Variants in ZNF385D observed in about 807,000 individuals in gnomAD.
ZNF385D encodes the protein zinc finger protein 385D, also known as zinc finger protein 659.
ZNF385D carries 15 observed loss-of-function variants against 35.8 expected under a neutral mutation model. The observed-to-expected ratio is 0.42, with a 90% confidence interval of 0.28 to 0.64. The LOEUF (loss-of-function observed/expected upper bound fraction) is 0.64. ZNF385D is among the 30% of genes least tolerant of loss of function. The pLI is 0.23. For missense variants in ZNF385D, 474 were observed against 494.6 expected, an observed-to-expected ratio of 0.96 and a Z score of 0.39; for synonymous variants, 212 against 186.8, an observed-to-expected ratio of 1.13 and a Z score of -1.10.
chr3:22,115,263 T>C (rs988803766), intron 3 of ZNF385D, among the ~76,000 whole-genome samples: 20 of 152,070 alleles, frequency 1.3e-4, no homozygotes, highest in African/African-American at 4.8e-4. Flanking sequence ...TGTTAGACAT[T>C]ACATAGAGAA....
chr3:22,145,034 G>A (rs1358628179), intron 3 of ZNF385D, among the ~76,000 whole-genome samples: 1 of 151,800 alleles, frequency 6.6e-6, no homozygotes, highest in African/African-American at 2.4e-5. Flanking sequence ...GTGTGTGTGT[G>A]TGTGTAGTCA....
intron 4 of ZNF385D, among the ~76,000 whole-genome samples, chr3:21,463,601 G>A (rs1259519640): frequency 6.6e-6 from 1 of 152,126 alleles, no homozygotes; most frequent in East Asian, 1.9e-4. Flanking sequence ...GGGCCCTCTA[G>A]AATGGCTGGC....
intron 1 of ZNF385D, among the ~76,000 whole-genome samples, chr3:21,749,466 T>C (rs563386001): frequency 6.6e-6 from 1 of 152,326 alleles, no homozygotes; most frequent in East Asian, 1.9e-4. Context: ...GTATCATTAC[T>C]GATGCTGAAA....
chr3:21,467,157 C>A (rs189501850), intron 4 of ZNF385D, among the ~76,000 whole-genome samples: 71 of 152,292 alleles, frequency 4.7e-4, no homozygotes, highest in African/African-American at 1.7e-3. Context: ...AAACTTAAGT[C>A]AGTAATATCT....
chr3:21,995,056 T>C (rs146231147), intron 3 of ZNF385D, among the ~76,000 whole-genome samples: 51 of 152,274 alleles, frequency 3.3e-4, no homozygotes, highest in African/African-American at 1.1e-3. Flanking sequence ...GTGACAGCAA[T>C]GGGCCAAATA....
chr3:21,958,644 G>T (rs1166391962), intron 3 of ZNF385D, among the ~76,000 whole-genome samples: 1 of 152,116 alleles, frequency 6.6e-6, no homozygotes, highest in Admixed American at 6.6e-5. Context: ...GGTAGAACTA[G>T]ATTCTATCGC....
At chr3:22,082,460 G>C (rs917194818) in intron 3 of ZNF385D, among the ~76,000 whole-genome samples, 28 of 152,176 alleles carry the variant, frequency 1.8e-4, no homozygotes, top group African/African-American at 6.0e-4. Flanking sequence ...TAGTGCAGCA[G>C]TCCGAGATCA....
At chr3:21,662,825 T>C (rs927979165) in intron 2 of ZNF385D, among the ~76,000 whole-genome samples, 5 of 152,182 alleles carry the variant, frequency 3.3e-5, no homozygotes, top group Non-Finnish European at 7.3e-5. Context: ...CAAGGAACTG[T>C]CACATTTTCA....
intron 3 of ZNF385D, among the ~76,000 whole-genome samples, chr3:21,982,831 T>C (rs931924923): frequency 4.0e-5 from 6 of 150,840 alleles, no homozygotes; most frequent in African/African-American, 9.7e-5. Flanking sequence ...TTTTTTTGCA[T>C]CTATTGAGAT....
chr3:21,841,933 T>TACATATATATACACACATACACAAAC, intron 3 of ZNF385D, among the ~76,000 whole-genome samples: 1 of 151,662 alleles, frequency 6.6e-6, no homozygotes, highest in African/African-American at 2.4e-5. Flanking sequence ...TACACATATA[T>TACATATATATACACACATACACAAAC]ACATATATAT....
chr3:21,926,114 GCA>G (rs1700713238), intron 3 of ZNF385D, among the ~76,000 whole-genome samples: 2 of 150,956 alleles, frequency 1.3e-5, no homozygotes, highest in South Asian at 4.2e-4. Context: ...AACCCTTGAT[GCA>G]GTTTGGATAT....
intron 3 of ZNF385D, among the ~76,000 whole-genome samples, chr3:21,823,328 T>C (rs1575721978): frequency 6.6e-6 from 1 of 152,260 alleles, no homozygotes; most frequent in South Asian, 2.1e-4. Flanking sequence ...ATCTTCACTA[T>C]GATAATTATT....
chr3:21,719,467 G>T (rs534263627), intron 1 of ZNF385D, among the ~76,000 whole-genome samples: 1 of 152,126 alleles, frequency 6.6e-6, no homozygotes, highest in African/African-American at 2.4e-5. Context: ...TCTCCAGTAG[G>T]GAATTTCCTC....
chr3:22,262,743 T>C (rs1700699442), intron 2 of ZNF385D, among the ~76,000 whole-genome samples: 1 of 151,894 alleles, frequency 6.6e-6, no homozygotes, highest in Non-Finnish European at 1.5e-5. Context: ...GTACAAACTT[T>C]TTGGGTTGTT....
intron 2 of ZNF385D, among the ~76,000 whole-genome samples, chr3:21,630,394 G>A (rs937354127): frequency 6.6e-6 from 1 of 151,822 alleles, no homozygotes; most frequent in African/African-American, 2.4e-5. Context: ...TAGTAGAGAC[G>A]GGGTTTCTCC....
At chr3:21,899,216 A>G (rs1480852620) in intron 3 of ZNF385D, among the ~76,000 whole-genome samples, 4 of 151,694 alleles carry the variant, frequency 2.6e-5, no homozygotes, top group African/African-American at 9.7e-5. Flanking sequence ...GTGCCCTATG[A>G]CAAAAAATTA....
chr3:22,082,513 T>C (rs1052002717), intron 3 of ZNF385D, among the ~76,000 whole-genome samples: 50 of 152,112 alleles, frequency 3.3e-4, no homozygotes, highest in African/African-American at 1.0e-3. Flanking sequence ...ATGTCCACCA[T>C]TGCTGAGGCT....
intron 3 of ZNF385D, among the ~76,000 whole-genome samples, chr3:21,946,685 A>G (rs956643619): frequency 6.6e-6 from 1 of 152,068 alleles, no homozygotes; most frequent in Non-Finnish European, 1.5e-5. Flanking sequence ...TACAAATATT[A>G]GCCAGGTGTG....
intron 4 of ZNF385D, among the ~76,000 whole-genome samples, chr3:21,460,279 G>T (rs906721535): frequency 6.6e-6 from 1 of 152,200 alleles, no homozygotes; most frequent in African/African-American, 2.4e-5. Context: ...GAAGAAGACT[G>T]CTTTTGGTTT....
Sources: gnomAD v4.1 joint callset for allele counts (sites outside exome capture counted in the v4.1 genomes callset) on GRCh38, gnomAD v4.1.1 for gene constraint, MANE v1.5 for transcripts, NCBI Gene and HGNC (gene_info 2026-07-23, HGNC 2026-07-21) for gene names.